THSD7B: variants seen among roughly 807,000 people sequenced by gnomAD.
THSD7B encodes thrombospondin type 1 domain containing 7B, also known as thrombospondin type-1 domain-containing protein 7B.
A neutral mutation model predicts 213.6 loss-of-function variants in THSD7B; 138 were observed. The ratio of observed to expected loss-of-function variants is 0.65; its 90% CI spans 0.56 to 0.74. THSD7B has a LOEUF of 0.74. Among genes scored for constraint, THSD7B ranks in the 30% least tolerant of loss-of-function variants. The probability of loss-of-function intolerance (pLI) is 0.00; values close to 1 mark genes in which losing one functional copy is unlikely to be tolerated. For synonymous variants in THSD7B, 742 were observed against 687.0 expected (o/e 1.08, Z -1.25); for missense variants, 1,931 against 1,991.5 (o/e 0.97, Z 0.58).
intron 14 of THSD7B, among the ~76,000 whole-genome samples, chr2:137,434,352 G>A (rs746847261): frequency 4.6e-5 from 7 of 152,162 alleles, no homozygotes; most frequent in Non-Finnish European, 1.0e-4. Flanking sequence ...AGCCCATTTG[G>A]ACACCTGATG....
intron 1 of THSD7B, among the ~76,000 whole-genome samples, chr2:136,862,486 G>C (rs1375357244): frequency 6.6e-6 from 1 of 152,102 alleles, no homozygotes; most frequent in African/African-American, 2.4e-5. Context: ...GTGTGTTTCT[G>C]TGCCAGGCAC....
intron 1 of THSD7B, among the ~76,000 whole-genome samples, chr2:136,808,123 T>A (rs968748596): frequency 2.0e-5 from 3 of 152,246 alleles, no homozygotes; most frequent in Non-Finnish European, 2.9e-5. Context: ...AAGCCTTCCA[T>A]TTACTTACTT....
rs1558902491 is a variant in THSD7B, at chr2:137,056,898, C to T, written c.618C>T (p.Val206=). ...AATTGCAGCATAGAACTCGCGCGGT[C>T]ATAGCTCCCCCTCTCTTTGGTGGTT... is the stretch of plus-strand genomic sequence containing the variant. ...GKKLQHRTRA[V]IAPPLFGGLQ... is the part of the protein sequence containing the mutation. The change falls in exon 3 of 28, where the codon GTC becomes GTT. Residue 206 remains valine, a synonymous_variant. Transcript: ENST00000409968. The T allele has an allele frequency of 6.2e-7, 1 of 1,613,886 alleles. No individual in the cohort carries two copies. Among genetic ancestry groups the T allele is most frequent in the East Asian group, 2.2e-5 (1 of 44,864 alleles).
At chr2:136,916,325 T>G (rs1009234646) in intron 2 of THSD7B, among the ~76,000 whole-genome samples, 1 of 152,200 alleles carries the variant, frequency 6.6e-6, no homozygotes, top group Non-Finnish European at 1.5e-5. Flanking sequence ...TTGCTCCTTG[T>G]GGACTTGAAA....
chr2:137,363,102 A>G (rs970223013), intron 12 of THSD7B, among the ~76,000 whole-genome samples: 5 of 152,230 alleles, frequency 3.3e-5, no homozygotes, highest in African/African-American at 4.8e-5. Flanking sequence ...CTGCACAAAT[A>G]TATGGAAACT....
intron 7 of THSD7B, among the ~76,000 whole-genome samples, chr2:137,196,371 C>G (rs1438060860): frequency 1.6e-5 from 2 of 125,906 alleles, no homozygotes; most frequent in Non-Finnish European, 3.1e-5. Context: ...GATGGAAAAC[C>G]TGCTGTTTTT....
At chr2:137,344,795 A>T (rs562515781) in intron 12 of THSD7B, among the ~76,000 whole-genome samples, 3 of 151,716 alleles carry the variant, frequency 2.0e-5, no homozygotes, top group Non-Finnish European at 4.4e-5. Flanking sequence ...TGGTTAGTCA[A>T]CATTAACAGA....
chr2:137,358,249 C>G (rs535661589), intron 12 of THSD7B, among the ~76,000 whole-genome samples: 1 of 152,300 alleles, frequency 6.6e-6, no homozygotes, highest in East Asian at 1.9e-4. Context: ...CCTGAAAAGA[C>G]ACATTTTTTA....
intron 27 of THSD7B, among the ~76,000 whole-genome samples, chr2:137,670,489 A>AG (rs1209016484): frequency 2.5e-3 from 3 of 1,180 alleles, no homozygotes; most frequent in Admixed American, 0.015. Context: ...TTTAAAATAG[A>AG]AAAAAAATTG....
chr2:136,833,206 A>G (rs1319002826), intron 1 of THSD7B, among the ~76,000 whole-genome samples: 1 of 151,966 alleles, frequency 6.6e-6, no homozygotes, highest in East Asian at 1.9e-4. Flanking sequence ...TCTACTAAAA[A>G]TACCAAAAAT....
intron 1 of THSD7B, among the ~76,000 whole-genome samples, chr2:136,868,350 C>T (rs1379726931): frequency 6.6e-6 from 1 of 152,118 alleles, no homozygotes; most frequent in Non-Finnish European, 1.5e-5. Context: ...TATCAAATCT[C>T]CTGAATCTAA....
At chr2:137,005,342 A>T (rs1432239) in intron 2 of THSD7B, among the ~76,000 whole-genome samples, 89,182 of 152,096 alleles carry the variant, frequency 0.59, 28,756 homozygotes, top group East Asian at 0.9. Flanking sequence ...AGAAAAGAAA[A>T]GTAGGGTATA....
At chr2:137,405,500 C>T in intron 12 of THSD7B, 113 bp from the exon 13 acceptor site, 1 of 973,606 alleles carries the variant, frequency 1.0e-6, no homozygotes, top group South Asian at 1.9e-5. Context: ...CCGTTTGCAC[C>T]ATTTGTGAAG....
At position 136,990,212 on chromosome 2, in the gene THSD7B, T is replaced by C. The variant is rs1054725731; in HGVS notation, c.140-66208T>C. ...CCCAGAGTAGAACTTAGAACTCTCA[T>C]TGATTGCATTTTCCACTAATGTCCT... On this transcript the variant is annotated intron_variant, in intron 2 of 27. Coordinates refer to ENST00000409968, the MANE Select transcript of THSD7B (RefSeq NM_001316349.2). 1.2e-4 allele frequency among the ~76,000 whole-genome samples: 18 copies of C among 147,248 alleles called. 1 individual carries two copies. Among genetic ancestry groups the C allele is most frequent in the African/African-American group, 4.1e-4 (17 of 41,160 alleles).
At chr2:137,526,793 T>A (rs1330201556) in intron 15 of THSD7B, among the ~76,000 whole-genome samples, 3 of 152,158 alleles carry the variant, frequency 2.0e-5, no homozygotes, top group African/African-American at 7.2e-5. Context: ...TGGTGCACAG[T>A]GATAAATGTT....
intron 12 of THSD7B, among the ~76,000 whole-genome samples, chr2:137,288,301 A>G (rs528686719): frequency 5.3e-4 from 81 of 152,218 alleles, no homozygotes; most frequent in South Asian, 2.9e-3. Flanking sequence ...GTCATGAAAA[A>G]TTTACATGGT....
chr2:137,538,699 A>T (rs189984572), intron 15 of THSD7B, among the ~76,000 whole-genome samples: 37 of 151,852 alleles, frequency 2.4e-4, no homozygotes, highest in Non-Finnish European at 4.4e-4. Flanking sequence ...CAGTAAAAGG[A>T]CTATTTCAGA....
intron 2 of THSD7B, among the ~76,000 whole-genome samples, chr2:136,908,741 C>A (rs1043211045): frequency 6.6e-6 from 1 of 152,094 alleles, no homozygotes; most frequent in African/African-American, 2.4e-5. Context: ...AGTGCCGAGG[C>A]TGAGTGAATT....
At chr2:136,812,963 T>G (rs1682407190) in intron 1 of THSD7B, among the ~76,000 whole-genome samples, 1 of 152,326 alleles carries the variant, frequency 6.6e-6, no homozygotes, top group Non-Finnish European at 1.5e-5. Flanking sequence ...TACATACATC[T>G]GGTGATACAA....
Sources: allele counts gnomAD v4.1 joint callset (sites outside exome capture counted in the v4.1 genomes callset), GRCh38; gene constraint gnomAD v4.1.1; transcripts MANE v1.5; gene names NCBI Gene and HGNC (gene_info 2026-07-23, HGNC 2026-07-21).